Variants in MLLT3 observed in about 807,000 individuals in gnomAD.
MLLT3 encodes the protein protein AF-9.
In MLLT3, 4 loss-of-function variants were observed where a neutral mutation model predicts 53.2. The ratio of observed to expected loss-of-function variants is 0.08; its 90% CI spans 0.04 to 0.17. The LOEUF is 0.17. Among genes scored for constraint, MLLT3 ranks in the 10% least tolerant of loss-of-function variants. MLLT3 has a pLI of 1.00. For missense variants in MLLT3, 569 were observed against 684.0 expected (o/e 0.83, Z 1.87); for synonymous variants, 283 against 230.6 (o/e 1.23, Z -2.06).
intron 2 of MLLT3, among the ~76,000 whole-genome samples, chr9:20,613,058 T>C (rs1293834438): frequency 1.3e-5 from 2 of 152,174 alleles, no homozygotes; most frequent in East Asian, 3.8e-4. Flanking sequence ...GTATACAATA[T>C]ATTCCCATGA....
Position 20,365,760 on chromosome 9 carries a change from A to C in MLLT3, c.1126-16T>G. 7 of 1,613,974 alleles carry C rather than the reference A, an allele frequency of 4.3e-6. No individual in the cohort carries two copies. The highest frequency in any genetic ancestry group is 5.1e-6 in the Non-Finnish European group (6 of 1,179,894). On this transcript the variant is annotated splice_polypyrimidine_tract_variant and intron_variant, in intron 5 of 10. Coordinates refer to ENST00000380338, the MANE Select transcript of MLLT3 (RefSeq NM_004529.4). ...GTTGTTCAGACTTTAAAGAAGAATAAAAAGGCACCATCAATAAATTTACGG... is the reference window on the plus strand; with the variant it reads ...GTTGTTCAGACTTTAAAGAAGAATACAAAGGCACCATCAATAAATTTACGG...
At chr9:20,507,071 G>T (rs896851123) in intron 2 of MLLT3, among the ~76,000 whole-genome samples, 10 of 152,154 alleles carry the variant, frequency 6.6e-5, no homozygotes, top group African/African-American at 2.4e-4. Flanking sequence ...TAACAAGTAG[G>T]CCCTGGCTTA....
At chr9:20,386,007 G>A (rs1217868435) in intron 5 of MLLT3, among the ~76,000 whole-genome samples, 2 of 152,070 alleles carry the variant, frequency 1.3e-5, no homozygotes, top group Non-Finnish European at 2.9e-5. Flanking sequence ...CTCCACTCTG[G>A]TTCTGGTGAG....
chr9:20,518,078 G>A (rs1051415422), intron 2 of MLLT3, among the ~76,000 whole-genome samples: 2 of 152,276 alleles, frequency 1.3e-5, no homozygotes, highest in East Asian at 1.9e-4. Flanking sequence ...TGTGGCTCAC[G>A]CCTATAATCC....
intron 5 of MLLT3, among the ~76,000 whole-genome samples, chr9:20,404,158 A>T (rs1822524996): frequency 6.6e-6 from 1 of 152,212 alleles, no homozygotes; most frequent in Non-Finnish European, 1.5e-5. Context: ...GACTTTGAGA[A>T]AGATTCTGCT....
Position 20,343,596 on chromosome 9 carries a change from AG to A in MLLT3, c.*2846del, listed in dbSNP as rs1474576836. The A allele has an allele frequency of 4.4e-6, 1 of 229,502 alleles. No individual in the cohort carries two copies. Among genetic ancestry groups the A allele is most frequent in the Non-Finnish European group, 8.6e-6 (1 of 115,718 alleles). 14.2% of individuals were successfully genotyped at this position (229,502 alleles called of 1,614,324 possible). Reference sequence around the variant, plus strand: ...CTAAGTTATAAGGGGGCAGAGGGGCAGGAGCTCTGTACATATATTTTTTCCC... The same window carrying A: ...CTAAGTTATAAGGGGGCAGAGGGGCAGAGCTCTGTACATATATTTTTTCCC... On this transcript the variant is annotated 3_prime_UTR_variant, in exon 11 of 11. Coordinates refer to ENST00000380338, the MANE Select transcript of MLLT3 (RefSeq NM_004529.4).
chr9:20,520,542 C>T (rs984330868), intron 2 of MLLT3, among the ~76,000 whole-genome samples: 5 of 151,934 alleles, frequency 3.3e-5, no homozygotes, highest in African/African-American at 4.8e-5. Flanking sequence ...AATAGGAAGG[C>T]ATATAAATAA....
At chr9:20,597,152 T>A (rs1385234895) in intron 2 of MLLT3, among the ~76,000 whole-genome samples, 1 of 152,148 alleles carries the variant, frequency 6.6e-6, no homozygotes, top group African/African-American at 2.4e-5. Flanking sequence ...ATAACCTTGA[T>A]AAATTCATCC....
intron 2 of MLLT3, among the ~76,000 whole-genome samples, chr9:20,551,986 C>A (rs1818936387): frequency 1.3e-5 from 2 of 152,148 alleles, no homozygotes; most frequent in African/African-American, 4.8e-5. Flanking sequence ...CACTTGCTTC[C>A]CTCTCTGAGT....
At chr9:20,527,438 G>C (rs890247292) in intron 2 of MLLT3, among the ~76,000 whole-genome samples, 4 of 152,182 alleles carry the variant, frequency 2.6e-5, no homozygotes, top group Non-Finnish European at 5.9e-5. Flanking sequence ...AGTCTATGGA[G>C]TTTTGAACAG....
intron 3 of MLLT3, among the ~76,000 whole-genome samples, chr9:20,449,460 T>C (rs995400133): frequency 6.6e-6 from 1 of 152,236 alleles, no homozygotes; most frequent in Non-Finnish European, 1.5e-5. Context: ...TACACATTGA[T>C]CTTTAGCCAC....
At chr9:20,457,485 G>A (rs1026570133) in intron 2 of MLLT3, among the ~76,000 whole-genome samples, 4 of 151,840 alleles carry the variant, frequency 2.6e-5, no homozygotes, top group African/African-American at 9.7e-5. Context: ...CCGACCTCAG[G>A]TGATCTGTCC....
At chr9:20,419,587 T>C (rs1286627112) in intron 4 of MLLT3, among the ~76,000 whole-genome samples, 3 of 148,624 alleles carry the variant, frequency 2.0e-5, no homozygotes, top group Non-Finnish European at 3.0e-5. Context: ...TTACTTAAAA[T>C]TGAATAATAA....
chr9:20,489,083 A>G (rs529327140), intron 2 of MLLT3, among the ~76,000 whole-genome samples: 2 of 152,344 alleles, frequency 1.3e-5, no homozygotes, highest in South Asian at 4.1e-4. Flanking sequence ...TTATGAACAA[A>G]GAGAAGTAAC....
At chr9:20,453,884 C>A (rs554419644) in intron 3 of MLLT3, among the ~76,000 whole-genome samples, 8 of 152,160 alleles carry the variant, frequency 5.3e-5, no homozygotes, top group African/African-American at 1.9e-4. Context: ...TTAGGTGTAT[C>A]CTACTTTTCT....
intron 2 of MLLT3, among the ~76,000 whole-genome samples, chr9:20,529,283 T>G (rs1818271719): frequency 6.6e-6 from 1 of 152,200 alleles, no homozygotes; most frequent in Non-Finnish European, 1.5e-5. Flanking sequence ...TACAGTAAAC[T>G]GTTTTTGGTT....
intron 10 of MLLT3, 74 bp from the exon 11 acceptor site, chr9:20,346,648 G>C (rs1182768444): frequency 7.0e-7 from 1 of 1,421,116 alleles, no homozygotes; most frequent in Non-Finnish European, 9.7e-7. Context: ...GTAATGGAGG[G>C]GCGATCAAAT....
At chr9:20,517,246 T>C (rs890448249) in intron 2 of MLLT3, among the ~76,000 whole-genome samples, 1 of 152,132 alleles carries the variant, frequency 6.6e-6, no homozygotes, top group Non-Finnish European at 1.5e-5. Context: ...GCCAACAGTT[T>C]CTACCTACTG....
At chr9:20,459,308 A>G (rs1183819072) in intron 2 of MLLT3, among the ~76,000 whole-genome samples, 1 of 152,210 alleles carries the variant, frequency 6.6e-6, no homozygotes, top group African/African-American at 2.4e-5. Context: ...AGAAAAACGA[A>G]AACGTGAAAA....
Sources: gnomAD v4.1 joint callset for allele counts (sites outside exome capture counted in the v4.1 genomes callset) on GRCh38, gnomAD v4.1.1 for gene constraint, MANE v1.5 for transcripts, NCBI Gene and HGNC (gene_info 2026-07-23, HGNC 2026-07-21) for gene names.